The following AATF variants were observed in gnomAD, a reference collection of about 807,000 sequenced individuals.
AATF encodes the protein protein AATF.
In AATF, 48 loss-of-function variants were observed where a neutral mutation model predicts 63.7. The ratio of observed to expected loss-of-function variants is 0.75; its 90% CI spans 0.60 to 0.96. The LOEUF (loss-of-function observed/expected upper bound fraction) is 0.96. Ranked by LOEUF, AATF falls within the 40% of genes least tolerant of loss-of-function variation. The pLI, the probability that AATF is intolerant of heterozygous loss-of-function variation, is 0.00. For synonymous variants in AATF, 258 were observed against 247.7 expected, an observed-to-expected ratio of 1.04 and a Z score of -0.39; for missense variants, 639 against 685.7, an observed-to-expected ratio of 0.93 and a Z score of 0.76.
chr17:36,993,877 G>A (rs1474624069), intron 8 of AATF, among the ~76,000 whole-genome samples: 3 of 152,040 alleles, frequency 2.0e-5, no homozygotes, highest in Non-Finnish European at 4.4e-5. Flanking sequence ...AATGATGTGT[G>A]GGCTCAGAAC....
intron 1 of AATF, 129 bp from the exon 2 acceptor site, chr17:36,950,085 C>T (rs2070841251): frequency 2.9e-6 from 3 of 1,019,694 alleles, no homozygotes; most frequent in Non-Finnish European, 4.4e-6. Context: ...GAGTGAATTT[C>T]CTATTCCTGG....
At chr17:36,963,717 C>T (rs1340530796) in intron 4 of AATF, among the ~76,000 whole-genome samples, 12 of 152,152 alleles carry the variant, frequency 7.9e-5, no homozygotes, top group Admixed American at 4.6e-4. Flanking sequence ...TTCTTTATAT[C>T]TCTGTCTTGA....
At chr17:36,981,702 C>CT (rs71368433) in intron 4 of AATF, among the ~76,000 whole-genome samples, 14,984 of 110,452 alleles carry the variant, frequency 0.14, 1,155 homozygotes, top group Non-Finnish European at 0.18. Context: ...TCTTTCTTTT[C>CT]TTTTTTTTTT....
intron 4 of AATF, among the ~76,000 whole-genome samples, chr17:36,960,543 C>A (rs775302546): frequency 3.9e-5 from 6 of 152,164 alleles, no homozygotes; most frequent in Non-Finnish European, 7.3e-5. Context: ...TACCCTGTCC[C>A]ACAGGCAACC....
intron 4 of AATF, among the ~76,000 whole-genome samples, chr17:36,964,293 A>G (rs1240092877): frequency 6.7e-6 from 1 of 150,070 alleles, no homozygotes; most frequent in Non-Finnish European, 1.5e-5. Flanking sequence ...ACAGTGTCCT[A>G]TAGTGGGTGA....
At chr17:36,961,708 T>C (rs946088095) in intron 4 of AATF, among the ~76,000 whole-genome samples, 4 of 151,986 alleles carry the variant, frequency 2.6e-5, no homozygotes, top group African/African-American at 9.7e-5. Flanking sequence ...GTTTTCACTC[T>C]TGTCGCCCAG....
intron 8 of AATF, among the ~76,000 whole-genome samples, chr17:37,015,378 A>G (rs1244391898): frequency 6.6e-6 from 1 of 152,228 alleles, no homozygotes; most frequent in Non-Finnish European, 1.5e-5. Flanking sequence ...TGGAGGTTGT[A>G]AAGTCCAAGA....
At position 37,020,956 on chromosome 17, in the gene AATF, T is replaced by G; in HGVS notation, c.1489T>G (p.Leu497Val). ...CAGGCAGTGGCTTGCAATCCAGAAG[T>G]TACGAAGCAAAATCCACAAAAAAGT... is the stretch of plus-strand genomic sequence containing the variant. The part of the protein sequence containing the change: ...MGRQWLAIQK[L>V]RSKIHKKVDR... The change falls in exon 10 of 12, where the codon TTA (leucine) becomes GTA (valine). Residue 497 changes from leucine to valine, a missense_variant. Coordinates refer to ENST00000619387, the MANE Select transcript of AATF (RefSeq NM_012138.4). The G allele has an allele frequency of 6.2e-7, 1 of 1,611,790 alleles. No individual in the cohort carries two copies. Among genetic ancestry groups the G allele is most frequent in the Non-Finnish European group, 8.5e-7 (1 of 1,178,938 alleles).
At chr17:37,050,173 G>T (rs1465897367) in intron 11 of AATF, among the ~76,000 whole-genome samples, 1 of 152,090 alleles carries the variant, frequency 6.6e-6, no homozygotes, top group Admixed American at 6.5e-5. Flanking sequence ...AGGGACAAGA[G>T]CCCATGGCTG....
chr17:37,053,472 A>C (rs2071771036), intron 11 of AATF, among the ~76,000 whole-genome samples: 1 of 152,172 alleles, frequency 6.6e-6, no homozygotes, highest in Non-Finnish European at 1.5e-5. Flanking sequence ...GATAAGGGTG[A>C]TTGATAAAAG....
intron 4 of AATF, among the ~76,000 whole-genome samples, chr17:36,984,796 G>A (rs773436349): frequency 1.1e-4 from 16 of 151,730 alleles, no homozygotes; most frequent in East Asian, 3.9e-4. Flanking sequence ...CATCAAAACC[G>A]GCTAGTTTTT....
chr17:36,953,176 G>T lies in AATF; in HGVS notation c.574G>T (p.Glu192Ter). The T allele has an allele frequency of 6.2e-7, 1 of 1,614,194 alleles. No homozygotes were observed. Among genetic ancestry groups the T allele is most frequent in the Admixed American group, 1.7e-5 (1 of 60,026 alleles). The change falls in exon 3 of 12, where the codon GAG (glutamate) becomes TAG (stop). Residue 192 changes from glutamate to a stop codon, truncating the protein, a stop_gained. Coordinates refer to ENST00000619387, the MANE Select transcript of AATF (RefSeq NM_012138.4). LOFTEE classifies it high-confidence loss of function. ...EGDDAEDSQG[E>*]SEEDRAGDRN... ...GGATGACGCGGAAGACTCCCAAGGCGAGAGTGAGGAAGACAGGGCTGGAGA... is the reference window on the plus strand; with the variant it reads ...GGATGACGCGGAAGACTCCCAAGGCTAGAGTGAGGAAGACAGGGCTGGAGA...
At chr17:36,959,086 A>C (rs1025530828) in intron 4 of AATF, among the ~76,000 whole-genome samples, 4 of 152,104 alleles carry the variant, frequency 2.6e-5, no homozygotes, top group African/African-American at 9.7e-5. Flanking sequence ...TGGAGGTCGC[A>C]GTGAGGCGAG....
intron 4 of AATF, among the ~76,000 whole-genome samples, chr17:36,978,590 A>G (rs969457943): frequency 2.0e-5 from 3 of 152,148 alleles, no homozygotes; most frequent in Non-Finnish European, 2.9e-5. Context: ...CTGGGACAGA[A>G]GTCCTCACAC....
chr17:36,963,117 A>G (rs1253243385), intron 4 of AATF, among the ~76,000 whole-genome samples: 1 of 152,186 alleles, frequency 6.6e-6, no homozygotes, highest in Non-Finnish European at 1.5e-5. Flanking sequence ...CTCTGTCTCA[A>G]ACAAAACAAA....
intron 11 of AATF, among the ~76,000 whole-genome samples, chr17:37,036,021 T>C (rs2071589459): frequency 6.6e-6 from 1 of 152,174 alleles, no homozygotes; most frequent in Non-Finnish European, 1.5e-5. Context: ...ATTCCTGGGC[T>C]CAGGCCATCC....
In AATF at chr17:36,988,546, G is replaced by A. The variant is rs2071186822; in HGVS notation, c.975G>A (p.Glu325=). The A allele has an allele frequency of 6.2e-7, 1 of 1,614,096 alleles. No individual in the cohort carries two copies. The highest frequency in any genetic ancestry group is 8.5e-7 in the Non-Finnish European group (1 of 1,180,004). ...GSEEISSEDD[E]LVEEKKQQRR... is the part of the protein sequence containing the mutation. ...AGGAGATTTCTAGTGAAGATGATGA[G>A]CTGGTAGAAGAGAAGAAGCAGCAAC... The change falls in exon 6 of 12, where the codon GAG becomes GAA. Residue 325 remains glutamate, a synonymous_variant. Coordinates refer to ENST00000619387, the MANE Select transcript of AATF (RefSeq NM_012138.4).
chr17:37,037,448 G>A (rs546888714), intron 11 of AATF, among the ~76,000 whole-genome samples: 55 of 152,236 alleles, frequency 3.6e-4, no homozygotes, highest in Middle Eastern at 6.8e-3. Context: ...CAGCAAGAGC[G>A]GGTCAGTACT....
chr17:37,028,930 A>C (rs1330959502), intron 10 of AATF, among the ~76,000 whole-genome samples: 3 of 152,130 alleles, frequency 2.0e-5, no homozygotes, highest in Admixed American at 2.0e-4. Context: ...AGGTGAGAAA[A>C]GAATTCATTC....
Sources: allele counts gnomAD v4.1 joint callset (sites outside exome capture counted in the v4.1 genomes callset), GRCh38; gene constraint gnomAD v4.1.1; transcripts MANE v1.5; gene names NCBI Gene and HGNC (gene_info 2026-07-23, HGNC 2026-07-21).